DLGAP1: variants seen among roughly 807,000 people sequenced by gnomAD.
The protein encoded by DLGAP1 is DLG associated protein 1, also known as disks large-associated protein 1.
In DLGAP1, 11 loss-of-function variants were observed where a neutral mutation model predicts 90.8. That is an observed-to-expected ratio of 0.12 (90% CI 0.08 to 0.20). The LOEUF (loss-of-function observed/expected upper bound fraction) is 0.20, where lower values mean the gene tolerates loss of function less well. Ranked by LOEUF, DLGAP1 falls within the 10% of genes least tolerant of loss-of-function variation. DLGAP1 has a pLI of 1.00. For missense variants in DLGAP1, 1,050 were observed against 1,333.8 expected, an observed-to-expected ratio of 0.79 and a Z score of 3.31; for synonymous variants, 558 against 540.7, an observed-to-expected ratio of 1.03 and a Z score of -0.44.
chr18:4,077,801 A>C (rs1362977269), intron 2 of DLGAP1, among the ~76,000 whole-genome samples: 4 of 152,226 alleles, frequency 2.6e-5, no homozygotes, highest in Non-Finnish European at 5.9e-5. Flanking sequence ...TTAAGACAGG[A>C]GTATACAGGC....
intron 9 of DLGAP1, among the ~76,000 whole-genome samples, chr18:3,549,944 C>T (rs866077801): frequency 2.6e-5 from 4 of 151,468 alleles, no homozygotes; most frequent in African/African-American, 7.2e-5. Flanking sequence ...GATGGAGTCT[C>T]GCTCTGTTGC....
intron 1 of DLGAP1, among the ~76,000 whole-genome samples, chr18:4,359,555 C>T (rs1362221757): frequency 6.6e-6 from 1 of 152,194 alleles, no homozygotes; most frequent in African/African-American, 2.4e-5. Context: ...TCCCGTGTCA[C>T]ATAAAACTTA....
intron 1 of DLGAP1, among the ~76,000 whole-genome samples, chr18:4,348,003 C>T (rs2081331034): frequency 1.3e-5 from 2 of 152,002 alleles, no homozygotes; most frequent in Non-Finnish European, 2.9e-5. Flanking sequence ...AGATATTAAT[C>T]CTTCATGTAC....
At chr18:3,986,980 A>G (rs1430892282) in intron 3 of DLGAP1, among the ~76,000 whole-genome samples, 2 of 152,208 alleles carry the variant, frequency 1.3e-5, no homozygotes. Context: ...GGCTCTGACT[A>G]CGCAGAGCCA....
chr18:4,208,820 G>T (rs76935778), intron 1 of DLGAP1, among the ~76,000 whole-genome samples: 1 of 151,898 alleles, frequency 6.6e-6, no homozygotes, highest in Non-Finnish European at 1.5e-5. Context: ...GGTGGAGAGA[G>T]AGAGAATGAA....
intron 1 of DLGAP1, among the ~76,000 whole-genome samples, chr18:4,398,204 A>G (rs2082478310): frequency 6.6e-6 from 1 of 152,244 alleles, no homozygotes; most frequent in East Asian, 1.9e-4. Context: ...GCAAACAGTG[A>G]AAAAGAACAG....
At chr18:3,944,818 T>C (rs965297286) in intron 3 of DLGAP1, among the ~76,000 whole-genome samples, 2 of 152,138 alleles carry the variant, frequency 1.3e-5, no homozygotes, top group Admixed American at 6.5e-5. Context: ...TGGAAGGACA[T>C]ACCTAAAAAT....
chr18:4,368,243 AATGGT>A (rs2081823288), intron 1 of DLGAP1, among the ~76,000 whole-genome samples: 1 of 152,176 alleles, frequency 6.6e-6, no homozygotes, highest in Admixed American at 6.5e-5. Flanking sequence ...CACTTTAGCC[AATGGT>A]ATTGAATTTT....
intron 1 of DLGAP1, among the ~76,000 whole-genome samples, chr18:4,265,466 G>A (rs78510644): frequency 2.2e-5 from 3 of 138,114 alleles, no homozygotes. Context: ...ACTGCACCCA[G>A]CCCCTTCCTT....
intron 1 of DLGAP1, among the ~76,000 whole-genome samples, chr18:4,357,157 C>CTTTTTTTTTTTTTTTTTTT (rs554248097): frequency 2.8e-5 from 3 of 108,744 alleles, no homozygotes; most frequent in East Asian, 2.9e-4. Flanking sequence ...TGTTTTTTTC[C>CTTTTTTTTTTTTTTTTTTT]TTTTTTTTTT....
At chr18:3,527,868 C>T (rs2144343809) in intron 10 of DLGAP1, among the ~76,000 whole-genome samples, 1 of 152,324 alleles carries the variant, frequency 6.6e-6, no homozygotes, top group East Asian at 1.9e-4. Context: ...TCTGGGATTA[C>T]AGGCAGGAGC....
intron 7 of DLGAP1, among the ~76,000 whole-genome samples, chr18:3,612,014 G>A (rs545703309): frequency 3.9e-5 from 6 of 152,188 alleles, no homozygotes; most frequent in Admixed American, 2.6e-4. Context: ...TTACTAAAGC[G>A]CTATCAAATG....
At chr18:4,306,005 TAC>T (rs375614632) in intron 1 of DLGAP1, among the ~76,000 whole-genome samples, 8 of 121,354 alleles carry the variant, frequency 6.6e-5, no homozygotes, top group Admixed American at 9.3e-5. Context: ...CCCAAAACAT[TAC>T]ACACACACAC....
chr18:3,765,197 G>A (rs141957831), intron 5 of DLGAP1, among the ~76,000 whole-genome samples: 4,790 of 134,442 alleles, frequency 0.036, 105 homozygotes, highest in Middle Eastern at 0.089. Flanking sequence ...GCGCAGTCTC[G>A]GCTCATTGCA....
At chr18:4,156,617 T>C (rs929031458) in intron 1 of DLGAP1, among the ~76,000 whole-genome samples, 1 of 152,166 alleles carries the variant, frequency 6.6e-6, no homozygotes, top group African/African-American at 2.4e-5. Context: ...CAGTAAGTCA[T>C]AAAAGAGAAT....
intron 2 of DLGAP1, among the ~76,000 whole-genome samples, chr18:4,122,467 A>G (rs868697867): frequency 6.6e-6 from 1 of 152,300 alleles, no homozygotes; most frequent in Middle Eastern, 3.4e-3. Flanking sequence ...GGAGAAATAC[A>G]TGAAGCTATT....
chr18:4,046,740 A>G (rs958145562), intron 2 of DLGAP1, among the ~76,000 whole-genome samples: 1 of 152,236 alleles, frequency 6.6e-6, no homozygotes, highest in Non-Finnish European at 1.5e-5. Context: ...GGGACAATTT[A>G]TCCTCGGAGG....
At chr18:4,177,285 G>A (rs1459668811) in intron 1 of DLGAP1, among the ~76,000 whole-genome samples, 4 of 128,618 alleles carry the variant, frequency 3.1e-5, no homozygotes, top group South Asian at 2.6e-4. Flanking sequence ...CTTGATTTAC[G>A]CAATACTTAG....
intron 5 of DLGAP1, among the ~76,000 whole-genome samples, chr18:3,783,042 T>C (rs1598731807): frequency 6.6e-6 from 1 of 152,188 alleles, no homozygotes; most frequent in Non-Finnish European, 1.5e-5. Context: ...CCAACAAGCA[T>C]ATACAAAGAT....
Sources: allele counts gnomAD v4.1 joint callset (sites outside exome capture counted in the v4.1 genomes callset), GRCh38; gene constraint gnomAD v4.1.1; transcripts MANE v1.5; gene names NCBI Gene and HGNC (gene_info 2026-07-23, HGNC 2026-07-21).